The following TUSC3 variants were observed in gnomAD, a reference collection of about 807,000 sequenced individuals.
The protein encoded by TUSC3 is tumor suppressor candidate 3.
In TUSC3, 45 loss-of-function variants were observed where a neutral mutation model predicts 44.8. The observed-to-expected ratio is 1.00, with a 90% CI of 0.79 to 1.29. The LOEUF (loss-of-function observed/expected upper bound fraction) is 1.29, where lower values mean the gene tolerates loss of function less well. TUSC3 is among the 50% of genes most tolerant of loss of function. TUSC3 has a pLI of 0.00. For missense variants in TUSC3, 519 were observed against 437.9 expected (o/e 1.19, Z -1.65); for synonymous variants, 212 against 152.9 (o/e 1.39, Z -2.85).
At chr8:15,710,148 T>G (rs1367047469) in intron 6 of TUSC3, among the ~76,000 whole-genome samples, 1 of 151,718 alleles carries the variant, frequency 6.6e-6, no homozygotes, top group African/African-American at 2.4e-5. Context: ...AAATGTTACT[T>G]TAGGTTTTGT....
chr8:15,826,676 T>C, the TUSC3 span, among the ~76,000 whole-genome samples: 1 of 152,242 alleles, frequency 6.6e-6, no homozygotes, highest in Non-Finnish European at 1.5e-5. Context: ...TCAAGCATGC[T>C]GTCACATAGG....
At chr8:15,448,117 A>ATATT (rs56345796) in intron 1 of TUSC3, among the ~76,000 whole-genome samples, 82 of 93,558 alleles carry the variant, frequency 8.8e-4, no homozygotes, top group African/African-American at 1.8e-3. Context: ...ACATATATAT[A>ATATT]TATTTATTTA....
At chr8:15,630,407 A>G (rs1185243611) in intron 2 of TUSC3, among the ~76,000 whole-genome samples, 3 of 152,174 alleles carry the variant, frequency 2.0e-5, no homozygotes, top group Non-Finnish European at 4.4e-5. Context: ...TTTGTTTATT[A>G]TGTGTAAACT....
intron 1 of TUSC3, among the ~76,000 whole-genome samples, chr8:15,549,895 G>A (rs1342430833): frequency 1.3e-5 from 2 of 151,618 alleles, no homozygotes; most frequent in African/African-American, 4.8e-5. Flanking sequence ...TAGAAGGAAA[G>A]GGCTTCATTC....
At chr8:15,423,030 T>C (rs1309612376) in intron 1 of TUSC3, among the ~76,000 whole-genome samples, 1 of 152,210 alleles carries the variant, frequency 6.6e-6, no homozygotes, top group Non-Finnish European at 1.5e-5. Flanking sequence ...ACAATTTTTA[T>C]TTCTTGACTT....
chr8:15,689,821 GGT>G (rs71543657), intron 6 of TUSC3, among the ~76,000 whole-genome samples: 30,223 of 130,732 alleles, frequency 0.23, 3,340 homozygotes, highest in East Asian at 0.33. Flanking sequence ...AATAGTCCAT[GGT>G]GTGTGTGTGT....
At chr8:15,454,942 A>G (rs765199884) in intron 1 of TUSC3, among the ~76,000 whole-genome samples, 4 of 152,172 alleles carry the variant, frequency 2.6e-5, no homozygotes, top group Non-Finnish European at 5.9e-5. Context: ...CAGATGTAAC[A>G]GGCTCTCCCC....
At chr8:15,763,863 T>A (rs1364538618) in intron 10 of TUSC3, among the ~76,000 whole-genome samples, 1 of 152,082 alleles carries the variant, frequency 6.6e-6, no homozygotes, top group Non-Finnish European at 1.5e-5. Flanking sequence ...CACGCATTTG[T>A]TTCAGTCCAT....
At chr8:15,849,139 A>G in the TUSC3 span, among the ~76,000 whole-genome samples, 1 of 152,200 alleles carries the variant, frequency 6.6e-6, no homozygotes, top group South Asian at 2.1e-4. Flanking sequence ...ACATTCGATC[A>G]AAATTCAAAC....
chr8:15,656,882 C>A (rs1463191002), intron 3 of TUSC3, among the ~76,000 whole-genome samples: 3 of 152,298 alleles, frequency 2.0e-5, no homozygotes, highest in Middle Eastern at 3.4e-3. Context: ...AGAGCTAGTG[C>A]CCAGAATGCT....
intron 5 of TUSC3, among the ~76,000 whole-genome samples, chr8:15,671,708 C>T (rs1229004198): frequency 6.6e-6 from 1 of 152,024 alleles, no homozygotes; most frequent in Non-Finnish European, 1.5e-5. Context: ...TCTTTTCCTC[C>T]ATGTAGAATG....
chr8:15,735,987 C>A (rs1258678291), intron 7 of TUSC3, among the ~76,000 whole-genome samples: 1 of 152,058 alleles, frequency 6.6e-6, no homozygotes, highest in African/African-American at 2.4e-5. Context: ...CTTGGCCTCC[C>A]AAAGTGCTGG....
At chr8:15,608,076 T>G (rs1804610813) in intron 1 of TUSC3, among the ~76,000 whole-genome samples, 1 of 152,176 alleles carries the variant, frequency 6.6e-6, no homozygotes, top group Admixed American at 6.5e-5. Context: ...TTATTCTTGG[T>G]TTTACATTTA....
Position 15,743,581 on chromosome 8 carries a change from A to G in TUSC3, c.906A>G (p.Ala302=), listed in dbSNP as rs1264468398. ...GGATGGTTCTTCTAAATGAAGCAGC[A>G]ACTTCGAAAGGCGATGTTGGAAAAA... is the stretch of plus-strand genomic sequence containing the variant. ...TMGMVLLNEA[A]TSKGDVGKRR... is the part of the protein sequence containing the mutation. The change falls in exon 8 of 11, where the codon GCA becomes GCG. Residue 302 remains alanine (A), a synonymous_variant. Coordinates refer to ENST00000503731, the MANE Select transcript of TUSC3 (RefSeq NM_006765.4). The G allele has an allele frequency of 1.9e-6, 3 of 1,613,978 alleles. No homozygotes were observed. Among genetic ancestry groups the G allele is most frequent in the Middle Eastern group, 1.7e-4 (1 of 6,060 alleles).
intron 2 of TUSC3, among the ~76,000 whole-genome samples, chr8:15,496,571 C>G (rs933383224): frequency 6.6e-6 from 1 of 152,144 alleles, no homozygotes; most frequent in East Asian, 1.9e-4. Context: ...TGATTTTTCT[C>G]CCTTACCAGG....
At chr8:15,428,105 G>A (rs1464163027) in intron 1 of TUSC3, among the ~76,000 whole-genome samples, 3 of 144,016 alleles carry the variant, frequency 2.1e-5, no homozygotes, top group African/African-American at 5.2e-5. Context: ...ATCCCCTAAT[G>A]CTATCCCGCC....
chr8:15,609,338 A>G (rs964588047), intron 1 of TUSC3, among the ~76,000 whole-genome samples: 3 of 152,200 alleles, frequency 2.0e-5, no homozygotes, highest in Admixed American at 6.5e-5. Context: ...AGTACCTGCT[A>G]TACTCATTTA....
intron 1 of TUSC3, among the ~76,000 whole-genome samples, chr8:15,568,053 A>G (rs1008813829): frequency 1.3e-5 from 2 of 152,094 alleles, no homozygotes; most frequent in Admixed American, 1.3e-4. Context: ...CATATTACTC[A>G]TTCCTCTTGT....
chr8:15,689,545 G>A (rs570636316), intron 6 of TUSC3: 74 of 169,088 alleles, frequency 4.4e-4, no homozygotes, highest in Admixed American at 2.4e-3. Flanking sequence ...ACACCGAAGG[G>A]ATGTTGCTCA....
Sources: allele counts gnomAD v4.1 joint callset (sites outside exome capture counted in the v4.1 genomes callset), GRCh38; gene constraint gnomAD v4.1.1; transcripts MANE v1.5; gene names NCBI Gene and HGNC (gene_info 2026-07-23, HGNC 2026-07-21).